The following PCDH9 variants were observed in gnomAD, a reference collection of about 807,000 sequenced individuals.
PCDH9 encodes the protein protocadherin-9.
In PCDH9, 24 loss-of-function variants were observed where a neutral mutation model predicts 70.6. That is an observed-to-expected ratio of 0.34 (90% CI 0.25 to 0.48). PCDH9 has a LOEUF of 0.48. Ranked by LOEUF, PCDH9 falls within the 20% of genes least tolerant of loss-of-function variation. The probability of loss-of-function intolerance (pLI) is 0.99; values close to 1 mark genes in which losing one functional copy is unlikely to be tolerated. For synonymous variants in PCDH9, 562 were observed against 558.5 expected, an observed-to-expected ratio of 1.01 and a Z score of -0.09; for missense variants, 1,281 against 1,503.6, an observed-to-expected ratio of 0.85 and a Z score of 2.45.
intron 4 of PCDH9, among the ~76,000 whole-genome samples, chr13:66,477,680 A>G (rs1958759036): frequency 6.6e-6 from 1 of 152,236 alleles, no homozygotes; most frequent in South Asian, 2.1e-4. Flanking sequence ...ATAGTGTTTT[A>G]CATATTATGT....
At position 66,701,549 on chromosome 13, in the gene PCDH9, C is replaced by T. The variant is rs113857694; in HGVS notation, c.3139-70138G>A. On this transcript the variant is annotated intron_variant, in intron 3 of 4. Coordinates refer to ENST00000377865, the MANE Select transcript of PCDH9 (RefSeq NM_203487.3). Reference sequence around the variant, plus strand: ...TAAAGAAACATTAAATTCTTAATTACCATGATTGTCTTTTTGTTTGGCCTA... The same window carrying T: ...TAAAGAAACATTAAATTCTTAATTATCATGATTGTCTTTTTGTTTGGCCTA... 6.4e-3 allele frequency among the ~76,000 whole-genome samples: 975 copies of T among 152,204 alleles called. 9 individuals are homozygous for T. Among genetic ancestry groups the T allele is most frequent in the African/African-American group, 0.022 (917 of 41,532 alleles).
At chr13:66,906,415 G>T (rs2082361404) in intron 2 of PCDH9, among the ~76,000 whole-genome samples, 1 of 152,220 alleles carries the variant, frequency 6.6e-6, no homozygotes, top group South Asian at 2.1e-4. Context: ...ATAGTGAGAA[G>T]TTATAGAATT....
At chr13:66,464,225 T>TA (rs960201844) in intron 4 of PCDH9, among the ~76,000 whole-genome samples, 78 of 145,822 alleles carry the variant, frequency 5.3e-4, no homozygotes, top group African/African-American at 1.1e-3. Context: ...AGTGAATGAT[T>TA]AAAAAAAAAA....
intron 3 of PCDH9, among the ~76,000 whole-genome samples, chr13:66,673,463 A>T (rs926949523): frequency 6.6e-6 from 1 of 152,152 alleles, no homozygotes; most frequent in African/African-American, 2.4e-5. Context: ...GGACTAATAC[A>T]TTGGGACACA....
rs868508150 is a variant in PCDH9 at position 66,772,881 on chromosome 13, A to C, written c.3138+130623T>G. 1.8e-4 allele frequency among the ~76,000 whole-genome samples: 28 copies of C among 152,122 alleles called. 1 individual carries two copies. The highest frequency in any genetic ancestry group is 1.5e-3 in the South Asian group (7 of 4,806). On this transcript the variant is annotated intron_variant, in intron 3 of 4. Transcript: ENST00000377865. Reference sequence around the variant, plus strand: ...TTTAATTTCTCTATTATCTATATAGAGGTACACATTGTTTGGTGGAAAGTA... The same window carrying C: ...TTTAATTTCTCTATTATCTATATAGCGGTACACATTGTTTGGTGGAAAGTA...
intron 4 of PCDH9, among the ~76,000 whole-genome samples, chr13:66,569,347 G>A (rs1300554457): frequency 6.6e-6 from 1 of 151,356 alleles, no homozygotes. Context: ...AATTAGAAAG[G>A]GTAGATAAAT....
At chr13:67,174,310 GATAGATACATAC>G (rs1451013447) in intron 2 of PCDH9, among the ~76,000 whole-genome samples, 3 of 149,548 alleles carry the variant, frequency 2.0e-5, no homozygotes, top group African/African-American at 7.5e-5. Flanking sequence ...TAGATAGATA[GATAGATACATAC>G]ATACATACAT....
chr13:66,841,064 C>T (rs1468795321), intron 3 of PCDH9, among the ~76,000 whole-genome samples: 2 of 151,942 alleles, frequency 1.3e-5, no homozygotes, highest in South Asian at 2.1e-4. Flanking sequence ...AAAACTGTAG[C>T]ATGAAGGTAT....
At chr13:66,402,692 C>T (rs1321683637) in intron 4 of PCDH9, among the ~76,000 whole-genome samples, 6 of 152,082 alleles carry the variant, frequency 3.9e-5, no homozygotes, top group Non-Finnish European at 8.8e-5. Flanking sequence ...TTTACCTCTG[C>T]TGCAAACTTC....
chr13:67,088,254 T>C (rs2086149106), intron 2 of PCDH9, among the ~76,000 whole-genome samples: 1 of 151,986 alleles, frequency 6.6e-6, no homozygotes, highest in Non-Finnish European at 1.5e-5. Context: ...TCTCAAATCA[T>C]TTTAGATTGT....
intron 4 of PCDH9, among the ~76,000 whole-genome samples, chr13:66,356,740 TA>T (rs1368495372): frequency 6.6e-6 from 1 of 152,136 alleles, no homozygotes; most frequent in Non-Finnish European, 1.5e-5. Context: ...GTAGTTACAG[TA>T]AGCTGAATTA....
intron 4 of PCDH9, among the ~76,000 whole-genome samples, chr13:66,336,385 T>C (rs927314038): frequency 3.9e-5 from 6 of 152,042 alleles, no homozygotes; most frequent in Admixed American, 1.3e-4. Flanking sequence ...ATGTATCCTA[T>C]GTTATATACT....
intron 2 of PCDH9, among the ~76,000 whole-genome samples, chr13:67,050,014 C>T (rs2139927578): frequency 6.6e-6 from 1 of 152,166 alleles, no homozygotes; most frequent in South Asian, 2.1e-4. Flanking sequence ...ATCTAGTTGA[C>T]CTTAAATGTT....
At chr13:66,567,133 G>C (rs2076664477) in intron 4 of PCDH9, among the ~76,000 whole-genome samples, 1 of 152,044 alleles carries the variant, frequency 6.6e-6, no homozygotes, top group African/African-American at 2.4e-5. Flanking sequence ...ATTGAATTCA[G>C]TGCCATTCAG....
At chr13:66,377,919 GGT>G (rs1397291855) in intron 4 of PCDH9, among the ~76,000 whole-genome samples, 2 of 151,932 alleles carry the variant, frequency 1.3e-5, no homozygotes, top group Non-Finnish European at 2.9e-5. Context: ...TGTATTTTTA[GGT>G]GTAGTCACTG....
chr13:66,563,457 C>T (rs547278549), intron 4 of PCDH9, among the ~76,000 whole-genome samples: 9 of 152,286 alleles, frequency 5.9e-5, no homozygotes, highest in East Asian at 1.9e-4. Flanking sequence ...CTAGCCACAA[C>T]GATCTATTAC....
chr13:66,836,349 A>G (rs1693297847), intron 3 of PCDH9, among the ~76,000 whole-genome samples: 1 of 152,094 alleles, frequency 6.6e-6, no homozygotes, highest in African/African-American at 2.4e-5. Flanking sequence ...TCCTTCTTTT[A>G]TCATATTCCT....
chr13:67,121,868 T>C, intron 2 of PCDH9, among the ~76,000 whole-genome samples: 1 of 152,044 alleles, frequency 6.6e-6, no homozygotes, highest in East Asian at 1.9e-4. Context: ...AGCTCTAGAT[T>C]TTTGTTTGTT....
At chr13:66,372,176 AG>A (rs1227934554) in intron 4 of PCDH9, among the ~76,000 whole-genome samples, 133 of 152,146 alleles carry the variant, frequency 8.7e-4, no homozygotes, top group African/African-American at 3.0e-3. Flanking sequence ...CTCAAGTTGT[AG>A]TTTGGAAACT....
Sources: allele counts gnomAD v4.1 joint callset (sites outside exome capture counted in the v4.1 genomes callset), GRCh38; gene constraint gnomAD v4.1.1; transcripts MANE v1.5; gene names NCBI Gene and HGNC (gene_info 2026-07-23, HGNC 2026-07-21).